PTPRC: variants seen among roughly 807,000 people sequenced by gnomAD.
The protein encoded by PTPRC is receptor-type tyrosine-protein phosphatase C.
Under a neutral mutation model 155.9 loss-of-function variants are expected in PTPRC, and 44 were observed. The observed-to-expected ratio is 0.28, with a 90% CI of 0.22 to 0.36. The LOEUF (loss-of-function observed/expected upper bound fraction) is 0.36, where lower values mean the gene tolerates loss of function less well. PTPRC is among the 10% of genes least tolerant of loss of function. The pLI is 1.00. For missense variants in PTPRC, 1,401 were observed against 1,564.6 expected, an observed-to-expected ratio of 0.90 and a Z score of 1.76; for synonymous variants, 525 against 533.1, an observed-to-expected ratio of 0.98 and a Z score of 0.21.
intron 23 of PTPRC, among the ~76,000 whole-genome samples, chr1:198,737,694 A>G (rs1249734984): frequency 1.3e-5 from 2 of 151,566 alleles, no homozygotes; most frequent in Non-Finnish European, 1.5e-5. Flanking sequence ...TCTATTTGTA[A>G]AGAACATTAT....
rs149076731 is a variant in PTPRC, at chr1:198,653,121, C to T, written c.73+13780C>T. Among the ~76,000 whole-genome samples the T allele has an allele frequency of 1.5e-3, 222 of 151,902 alleles. 5 individuals carry two copies. Among genetic ancestry groups the T allele is most frequent in the Non-Finnish European group, 1.2e-3 (79 of 67,860 alleles). ...ATATCAATTTAACTGTACATATCTT[C>T]CCATCTATCTTAATTAGTCACTTTT... On this transcript the variant is annotated intron_variant, in intron 2 of 32. Transcript: ENST00000442510.
At chr1:198,649,279 ACT>A (rs1663110620) in intron 2 of PTPRC, among the ~76,000 whole-genome samples, 1 of 151,656 alleles carries the variant, frequency 6.6e-6, no homozygotes, top group Non-Finnish European at 1.5e-5. Context: ...TGCTTACTAA[ACT>A]CTATGTATTT....
At chr1:198,717,763 A>T (rs544021693) in intron 13 of PTPRC, among the ~76,000 whole-genome samples, 3 of 152,192 alleles carry the variant, frequency 2.0e-5, no homozygotes, top group South Asian at 2.1e-4. Flanking sequence ...CCCAATCAAC[A>T]ACATTTTTCC....
At chr1:198,643,529 T>C (rs949965433) in intron 2 of PTPRC, among the ~76,000 whole-genome samples, 1 of 151,824 alleles carries the variant, frequency 6.6e-6, no homozygotes, top group African/African-American at 2.4e-5. Flanking sequence ...CAGTCTTGCC[T>C]TTTTGTTTTT....
At chr1:198,662,569 A>ATT (rs1165578885) in intron 2 of PTPRC, among the ~76,000 whole-genome samples, 1 of 152,086 alleles carries the variant, frequency 6.6e-6, no homozygotes, top group Non-Finnish European at 1.5e-5. Context: ...AGAGTGGCTT[A>ATT]TATGATAGAA....
intron 2 of PTPRC, among the ~76,000 whole-genome samples, chr1:198,655,760 A>G (rs1663530142): frequency 6.6e-6 from 1 of 152,108 alleles, no homozygotes; most frequent in South Asian, 2.1e-4. Context: ...AACTAGACAC[A>G]GCAGCACATT....
At chr1:198,666,541 C>G (rs1326278) in intron 2 of PTPRC, among the ~76,000 whole-genome samples, 2 of 152,068 alleles carry the variant, frequency 1.3e-5, no homozygotes, top group African/African-American at 4.8e-5. Context: ...GTCTGTTAAT[C>G]TATTAACTGA....
rs1477030537 is a variant in PTPRC, at chr1:198,757,110, T to G, written c.*929T>G. 3.9e-5 allele frequency: 6 copies of G among 151,908 alleles called. No individual in the cohort carries two copies. The highest frequency in any genetic ancestry group is 8.8e-5 in the Non-Finnish European group (6 of 67,840). 9.4% of individuals were successfully genotyped at this position (151,908 alleles called of 1,614,324 possible). ...TAATATAGCTATTTTTATGGAATTT[T>G]TCATTGATATGAAAAATATGATATT... On this transcript the variant is annotated 3_prime_UTR_variant, in exon 33 of 33. Transcript: ENST00000442510.
intron 15 of PTPRC, among the ~76,000 whole-genome samples, chr1:198,723,360 A>G (rs781542419): frequency 9.9e-5 from 15 of 152,252 alleles, no homozygotes; most frequent in Non-Finnish European, 1.6e-4. Flanking sequence ...GCACATATGC[A>G]TGTGCACAAT....
At chr1:198,696,679 T>A (rs1321114347) in intron 3 of PTPRC, 33 bp from the exon 4 acceptor site, 1 of 1,555,278 alleles carries the variant, frequency 6.4e-7, no homozygotes, top group South Asian at 1.1e-5. Flanking sequence ...ACATATTTAT[T>A]TTGTCCTTCT....
chr1:198,716,598 T>C (rs1363378231), intron 12 of PTPRC, 84 bp from the exon 13 acceptor site: 11 of 1,204,532 alleles, frequency 9.1e-6, no homozygotes, highest in South Asian at 2.5e-5. Flanking sequence ...CTTGGAACAA[T>C]GTGATGTAGA....
chr1:198,680,877 G>A (rs16843670), intron 2 of PTPRC, among the ~76,000 whole-genome samples: 6,891 of 152,206 alleles, frequency 0.045, 203 homozygotes, highest in East Asian at 0.12. Flanking sequence ...AGGAGAAAAT[G>A]CAGGAGCTTT....
chr1:198,754,498 G>A (rs571028929), intron 32 of PTPRC, 94 bp downstream of exon 32: 27 of 1,435,358 alleles, frequency 1.9e-5, no homozygotes, highest in South Asian at 7.5e-5. Flanking sequence ...CTTTCCTCTC[G>A]TTTGTTCTTT....
chr1:198,690,436 C>G (rs2102362477), intron 2 of PTPRC, among the ~76,000 whole-genome samples: 1 of 150,664 alleles, frequency 6.6e-6, no homozygotes, highest in African/African-American at 2.4e-5. Context: ...AGAAAAGGGA[C>G]AAAAGTACAA....
At chr1:198,700,334 C>T (rs1256115901) in intron 5 of PTPRC, among the ~76,000 whole-genome samples, 1 of 152,104 alleles carries the variant, frequency 6.6e-6, no homozygotes, top group Non-Finnish European at 1.5e-5. Context: ...GATCACAAAT[C>T]CACACAGTCT....
Position 198,756,538 on chromosome 1 carries a change from T to TGAA in PTPRC, c.*361_*363dup. 4.9e-6 allele frequency: 1 copy of TGAA among 204,592 alleles called. No homozygotes were observed. The allele number at this position is 204,592 out of a possible 1,614,324, so 12.7% of individuals were successfully genotyped here. A position where few individuals can be genotyped will look rare whatever the true frequency, so the allele number is the denominator to read the frequency against. On this transcript the variant is annotated 3_prime_UTR_variant, in exon 33 of 33. Coordinates refer to ENST00000442510, the MANE Select transcript of PTPRC (RefSeq NM_002838.5). ...AGCTTTTGCTTTTCCTTTGTTTTTA[T>TGAA]GAAGAAAAAATACATTTTATATTAG...
intron 11 of PTPRC, 59 bp from the exon 12 acceptor site, chr1:198,712,894 A>G (rs535204307): frequency 1.3e-6 from 2 of 1,523,038 alleles, no homozygotes; most frequent in Non-Finnish European, 1.8e-6. Flanking sequence ...TATAATATGA[A>G]GAATGCTTTA....
chr1:198,639,732 T>C (rs1453023774), intron 2 of PTPRC, among the ~76,000 whole-genome samples: 1 of 152,104 alleles, frequency 6.6e-6, no homozygotes, highest in Non-Finnish European at 1.5e-5. Flanking sequence ...AAATTTGATC[T>C]TTTAAAAAGT....
chr1:198,659,701 A>C (rs185556300), intron 2 of PTPRC, among the ~76,000 whole-genome samples: 1 of 151,646 alleles, frequency 6.6e-6, no homozygotes, highest in African/African-American at 2.4e-5. Context: ...TGCCTTGCTA[A>C]TTTTGTATTT....
Sources: allele counts gnomAD v4.1 joint callset (sites outside exome capture counted in the v4.1 genomes callset), GRCh38; gene constraint gnomAD v4.1.1; transcripts MANE v1.5; gene names NCBI Gene and HGNC (gene_info 2026-07-23, HGNC 2026-07-21).